Variants in TNR observed in about 807,000 individuals in gnomAD.
TNR encodes tenascin R, also known as tenascin-R.
Under a neutral mutation model 150.4 loss-of-function variants are expected in TNR, and 45 were observed. The ratio of observed to expected loss-of-function variants is 0.30; its 90% CI spans 0.24 to 0.38. The LOEUF is 0.38. Among genes scored for constraint, TNR ranks in the 10% least tolerant of loss-of-function variants. The pLI is 1.00. For synonymous variants in TNR, 687 were observed against 678.4 expected (o/e 1.01, Z -0.20); for missense variants, 1,544 against 1,759.1 (o/e 0.88, Z 2.19).
chr1:175,509,551 C>G (rs1659085114), intron 2 of TNR, among the ~76,000 whole-genome samples: 1 of 152,180 alleles, frequency 6.6e-6, no homozygotes, highest in African/African-American at 2.4e-5. Flanking sequence ...CCCTCACTTT[C>G]CAGAGTTTTT....
chr1:175,630,842 T>G (rs189635599), intron 1 of TNR, among the ~76,000 whole-genome samples: 1 of 151,950 alleles, frequency 6.6e-6, no homozygotes, highest in African/African-American at 2.4e-5. Flanking sequence ...GGACAGCTTA[T>G]GAATAACAGG....
At chr1:175,618,783 A>G (rs931057638) in intron 1 of TNR, among the ~76,000 whole-genome samples, 1 of 152,208 alleles carries the variant, frequency 6.6e-6, no homozygotes, top group Non-Finnish European at 1.5e-5. Flanking sequence ...CACACTGGAA[A>G]GAGGGTTAAC....
At position 175,544,200 on chromosome 1, in the gene TNR, T is replaced by C. The variant is rs1660603030; in HGVS notation, c.-164-15831A>G. On this transcript the variant is annotated intron_variant, in intron 1 of 22. Coordinates refer to ENST00000367674, the MANE Select transcript of TNR (RefSeq NM_003285.3). ...AGATTTTGGGGGAGATGGGAGATAT[T>C]GCTTGCTGCAATGCAGAAATGGTCT... Among the ~76,000 whole-genome samples, 3 of 152,298 alleles carry C rather than the reference T, an allele frequency of 2.0e-5. No homozygotes were observed. In the South Asian group the frequency reaches 6.2e-4, roughly 32 times the overall value.
At chr1:175,516,499 G>A (rs1203912349) in intron 2 of TNR, among the ~76,000 whole-genome samples, 3 of 152,248 alleles carry the variant, frequency 2.0e-5, no homozygotes, top group African/African-American at 7.2e-5. Context: ...ACCAAGGAGA[G>A]AGGGAGAAAT....
chr1:175,392,677 T>C (rs1361405898), intron 6 of TNR, among the ~76,000 whole-genome samples: 3 of 152,350 alleles, frequency 2.0e-5, no homozygotes, highest in East Asian at 3.9e-4. Flanking sequence ...TGCTGTGATG[T>C]GACTATAATA....
intron 1 of TNR, among the ~76,000 whole-genome samples, chr1:175,692,912 AC>A (rs1666414490): frequency 6.6e-6 from 1 of 152,206 alleles, no homozygotes; most frequent in African/African-American, 2.4e-5. Flanking sequence ...GTCCTGCTTC[AC>A]AGAATTGGGA....
At chr1:175,446,849 G>C (rs1656072209) in intron 2 of TNR, among the ~76,000 whole-genome samples, 2 of 152,094 alleles carry the variant, frequency 1.3e-5, no homozygotes, top group Non-Finnish European at 2.9e-5. Context: ...CTTTTGTTGT[G>C]TGTATGTGTG....
intron 2 of TNR, among the ~76,000 whole-genome samples, chr1:175,507,203 G>A (rs568386768): frequency 6.6e-6 from 1 of 152,192 alleles, no homozygotes; most frequent in Non-Finnish European, 1.5e-5. Context: ...AGCAGGGGCA[G>A]TGTCTGGGGA....
At chr1:175,354,669 T>TA in intron 17 of TNR, 146 bp from the exon 18 acceptor site, 1 of 1,087,914 alleles carries the variant, frequency 9.2e-7, no homozygotes, top group Non-Finnish European at 1.3e-6. Context: ...CAATAAGGAT[T>TA]ACTGCACCAA....
intron 2 of TNR, among the ~76,000 whole-genome samples, chr1:175,439,997 C>T (rs1655705998): frequency 1.3e-5 from 2 of 152,118 alleles, no homozygotes; most frequent in African/African-American, 2.4e-5. Context: ...ACTAGAAATA[C>T]CATTTGACCC....
At chr1:175,450,661 T>C (rs1656265552) in intron 2 of TNR, among the ~76,000 whole-genome samples, 1 of 152,250 alleles carries the variant, frequency 6.6e-6, no homozygotes, top group Admixed American at 6.5e-5. Context: ...GCACAAAGTT[T>C]AAGTGCTCAG....
chr1:175,650,941 C>A (rs1471145909), intron 1 of TNR, among the ~76,000 whole-genome samples: 2 of 45,922 alleles, frequency 4.4e-5, no homozygotes, highest in Non-Finnish European at 4.4e-5. Context: ...ATTACTACCC[C>A]TCCCCATCTC....
intron 3 of TNR, 149 bp from the exon 4 acceptor site, chr1:175,403,765 AT>A: frequency 1.5e-6 from 1 of 681,632 alleles, no homozygotes; most frequent in Non-Finnish European, 2.5e-6. Flanking sequence ...TACATATTCA[AT>A]TTAATAAATA....
chr1:175,720,587 T>C (rs77640979), intron 1 of TNR, among the ~76,000 whole-genome samples: 289 of 152,326 alleles, frequency 1.9e-3, no homozygotes, highest in African/African-American at 6.7e-3. Context: ...TTTCAATAGG[T>C]TGATAGCTTT....
chr1:175,355,440 A>G (rs1651279670), intron 17 of TNR, 63 bp downstream of exon 17: 1 of 1,587,006 alleles, frequency 6.3e-7, no homozygotes, highest in Non-Finnish European at 8.6e-7. Flanking sequence ...TCACTCCACT[A>G]GTCAGTTTCC....
chr1:175,588,553 C>CT (rs1164268136), intron 1 of TNR, among the ~76,000 whole-genome samples: 1 of 152,020 alleles, frequency 6.6e-6, no homozygotes, highest in Non-Finnish European at 1.5e-5. Context: ...CTTTTTCTCT[C>CT]TTTTTTTAAT....
intron 1 of TNR, among the ~76,000 whole-genome samples, chr1:175,730,201 C>G (rs1667600339): frequency 6.6e-6 from 1 of 152,220 alleles, no homozygotes; most frequent in South Asian, 2.1e-4. Context: ...TTTTCTAGGA[C>G]CCCGAGCCTT....
Position 175,386,316 on chromosome 1 carries a change from T to A in TNR, c.1508-15A>T, listed in dbSNP as rs1241527393. 6.6e-7 allele frequency: 1 copy of A among 1,524,414 alleles called. No individual in the cohort carries two copies. Among genetic ancestry groups the A allele is most frequent in the Non-Finnish European group, 8.8e-7 (1 of 1,133,872 alleles). 94.4% of individuals were successfully genotyped at this position (1,524,414 alleles called of 1,614,324 possible). On this transcript the variant is annotated splice_polypyrimidine_tract_variant and intron_variant, in intron 7 of 22. Coordinates refer to ENST00000367674, the MANE Select transcript of TNR (RefSeq NM_003285.3). ...GCCGTCAATGACTGAGTGAGAAGGA[T>A]CAAACAGAACAAAAAGTTTGAATGA...
chr1:175,509,758 C>G (rs578154094), intron 2 of TNR, among the ~76,000 whole-genome samples: 1 of 152,306 alleles, frequency 6.6e-6, no homozygotes, highest in East Asian at 1.9e-4. Flanking sequence ...CTCTTTCTAA[C>G]CAATAAAGAA....
Sources: allele counts gnomAD v4.1 joint callset (sites outside exome capture counted in the v4.1 genomes callset), GRCh38; gene constraint gnomAD v4.1.1; transcripts MANE v1.5; gene names NCBI Gene and HGNC (gene_info 2026-07-23, HGNC 2026-07-21).